The following BBS2 variants were observed in gnomAD, a reference collection of about 807,000 sequenced individuals.
BBS2 encodes the protein BBSome complex member BBS2.
In BBS2, 62 loss-of-function variants were observed where a neutral mutation model predicts 83.0. The ratio of observed to expected loss-of-function variants is 0.75; its 90% CI spans 0.61 to 0.92. BBS2 has a LOEUF of 0.92. Ranked by LOEUF, BBS2 falls within the 40% of genes least tolerant of loss-of-function variation. The pLI is 0.00. For synonymous variants in BBS2, 303 were observed against 326.1 expected, an observed-to-expected ratio of 0.93 and a Z score of 0.76; for missense variants, 784 against 901.0, an observed-to-expected ratio of 0.87 and a Z score of 1.66.
intron 15 of BBS2, among the ~76,000 whole-genome samples, chr16:56,487,760 T>C (rs118144208): frequency 0.019 from 2,949 of 152,182 alleles, 48 homozygotes; most frequent in Admixed American, 0.032. Context: ...ATGAAATTCA[T>C]TGGAAAGAAC....
intron 7 of BBS2, 54 bp from the exon 8 acceptor site, chr16:56,502,862 C>T (rs1964317370): frequency 3.1e-6 from 5 of 1,599,776 alleles, no homozygotes; most frequent in Admixed American, 1.7e-5. Flanking sequence ...TTAAAAACCA[C>T]AAAATTTAAA....
intron 17 of BBS2, chr16:56,477,858 A>G (rs1350211675): frequency 1.3e-5 from 2 of 152,184 alleles, no homozygotes; most frequent in African/African-American, 4.8e-5. Flanking sequence ...ACTTTTGAGT[A>G]TTCATTCTTT....
chr16:56,519,347 AAAGG>A (rs1964848751), intron 1 of BBS2, among the ~76,000 whole-genome samples: 2 of 151,368 alleles, frequency 1.3e-5, no homozygotes, highest in Admixed American at 1.3e-4. Context: ...AAAAAAAAAA[AAAGG>A]AAGAAGAAGC....
At chr16:56,504,086 T>C (rs1471553414) in intron 7 of BBS2, among the ~76,000 whole-genome samples, 1 of 152,142 alleles carries the variant, frequency 6.6e-6, no homozygotes, top group Non-Finnish European at 1.5e-5. Flanking sequence ...AACCAAAACA[T>C]AAAGTAATTT....
At chr16:56,470,833 T>G (rs1261638582) in intron 17 of BBS2, 1 of 1,491,722 alleles carries the variant, frequency 6.7e-7, no homozygotes, top group Non-Finnish European at 9.0e-7. Context: ...CCATTAACCA[T>G]TCACCATTCA....
intron 1 of BBS2, 164 bp downstream of exon 1, chr16:56,519,582 C>A (rs568011595): frequency 3.3e-6 from 2 of 611,622 alleles, no homozygotes; most frequent in Non-Finnish European, 5.8e-6. Flanking sequence ...CCTCTAAGAC[C>A]CCACTGTCCT....
At chr16:56,505,016 A>T (rs1964385153) in intron 7 of BBS2, among the ~76,000 whole-genome samples, 1 of 152,198 alleles carries the variant, frequency 6.6e-6, no homozygotes. Flanking sequence ...CTCACCAGAC[A>T]CTGAAACTGC....
chr16:56,498,380 G>A, intron 13 of BBS2, 57 bp downstream of exon 13: 1 of 1,590,178 alleles, frequency 6.3e-7, no homozygotes, highest in Non-Finnish European at 8.6e-7. Flanking sequence ...CATGGTCTAA[G>A]TGTTTGAATA....
downstream of BBS2, among the ~76,000 whole-genome samples, chr16:56,480,951 A>T (rs144121532): frequency 1.2e-4 from 19 of 152,302 alleles, no homozygotes; most frequent in South Asian, 1.2e-3. Flanking sequence ...TTACAAGATG[A>T]CTTCAGAGCT....
At chr16:56,519,663 A>C in intron 1 of BBS2, 83 bp downstream of exon 1, 1 of 1,126,430 alleles carries the variant, frequency 8.9e-7, no homozygotes, top group Non-Finnish European at 1.3e-6. Context: ...GGGGTCGGAG[A>C]GGGGACGGGA....
downstream of BBS2, among the ~76,000 whole-genome samples, chr16:56,480,352 C>CAAAAAAAAAAAA (rs1286219655): frequency 1.8e-3 from 136 of 76,444 alleles, 4 homozygotes; most frequent in African/African-American, 5.5e-3. Context: ...CACACACACA[C>CAAAAAAAAAAAA]AAAAAAAAAA....
intron 17 of BBS2, among the ~76,000 whole-genome samples, chr16:56,470,952 A>AT (rs35620675): frequency 6.6e-6 from 1 of 152,232 alleles, no homozygotes; most frequent in African/African-American, 2.4e-5. Flanking sequence ...GGGAGCTTAC[A>AT]TTCTAGTAGA....
chr16:56,506,281 A>C, intron 5 of BBS2, 57 bp from the exon 6 acceptor site: 5 of 1,334,584 alleles, frequency 3.7e-6, no homozygotes, highest in Non-Finnish European at 5.4e-6. Context: ...GTTTACTGTC[A>C]AGTACGGCTT....
At chr16:56,502,267 TCTC>T in intron 9 of BBS2, 47 bp downstream of exon 9, 1 of 1,613,062 alleles carries the variant, frequency 6.2e-7, no homozygotes, top group Non-Finnish European at 8.5e-7. Flanking sequence ...TCCCGGTCAG[TCTC>T]AACATTTCAG....
intron 15 of BBS2, among the ~76,000 whole-genome samples, chr16:56,494,307 T>A (rs1964049939): frequency 6.6e-6 from 1 of 151,594 alleles, no homozygotes; most frequent in African/African-American, 2.4e-5. Flanking sequence ...AGAGGCGCAG[T>A]AATAAAATCG....
chr16:56,515,846 G>A (rs1173580231), intron 1 of BBS2, among the ~76,000 whole-genome samples: 6 of 152,150 alleles, frequency 3.9e-5, no homozygotes, highest in East Asian at 1.9e-4. Flanking sequence ...ATATGAGGTC[G>A]GAAGAGTTAA....
chr16:56,483,839 G>A (rs1963701423), downstream of BBS2, among the ~76,000 whole-genome samples: 1 of 149,488 alleles, frequency 6.7e-6, no homozygotes, highest in Non-Finnish European at 1.5e-5. Context: ...AGCTGGGATT[G>A]TAGGTGTCCA....
intron 15 of BBS2, among the ~76,000 whole-genome samples, chr16:56,490,590 G>A (rs1389156134): frequency 2.0e-5 from 3 of 151,662 alleles, no homozygotes; most frequent in South Asian, 2.1e-4. Flanking sequence ...GCAGTGAGCC[G>A]AGATCACGCC....
intron 10 of BBS2, 29 bp from the exon 11 acceptor site, chr16:56,501,054 A>T (rs767946241): frequency 1.2e-6 from 2 of 1,612,688 alleles, no homozygotes; most frequent in South Asian, 2.2e-5. Flanking sequence ...ACAGTTTAAG[A>T]ACAACTCCAA....
Sources: gnomAD v4.1 joint callset for allele counts (sites outside exome capture counted in the v4.1 genomes callset) on GRCh38, gnomAD v4.1.1 for gene constraint, MANE v1.5 for transcripts, NCBI Gene and HGNC (gene_info 2026-07-23, HGNC 2026-07-21) for gene names.